SNX13: variants seen among roughly 807,000 people sequenced by gnomAD.
The protein encoded by SNX13 is sorting nexin 13, also known as sorting nexin-13.
Under a neutral mutation model 133.6 loss-of-function variants are expected in SNX13, and 45 were observed. The ratio of observed to expected loss-of-function variants is 0.34; its 90% CI spans 0.27 to 0.43. The LOEUF (loss-of-function observed/expected upper bound fraction) is 0.43, where lower values mean the gene tolerates loss of function less well. Ranked by LOEUF, SNX13 falls within the 20% of genes least tolerant of loss-of-function variation. SNX13 has a pLI of 1.00. For missense variants in SNX13, 1,032 were observed against 1,145.1 expected, an observed-to-expected ratio of 0.90 and a Z score of 1.43; for synonymous variants, 414 against 373.9, an observed-to-expected ratio of 1.11 and a Z score of -1.24.
At chr7:17,922,647 T>G (rs994806178) in intron 1 of SNX13, among the ~76,000 whole-genome samples, 15 of 152,206 alleles carry the variant, frequency 9.9e-5, no homozygotes, top group African/African-American at 3.6e-4. Flanking sequence ...TATGTTCAGC[T>G]TGACCCTGGT....
At chr7:17,795,987 T>C (rs1437610272) in intron 25 of SNX13, 2 of 151,490 alleles carry the variant, frequency 1.3e-5, no homozygotes, top group East Asian at 3.9e-4. Flanking sequence ...GAAAACAAAA[T>C]TAGAGAAAAA....
At chr7:17,797,736 A>G (rs1028991797) in intron 24 of SNX13, among the ~76,000 whole-genome samples, 1 of 151,786 alleles carries the variant, frequency 6.6e-6, no homozygotes, top group Non-Finnish European at 1.5e-5. Context: ...AAAGCTGATA[A>G]TCACCACTCC....
At chr7:17,887,529 C>T (rs1041296610) in intron 5 of SNX13, among the ~76,000 whole-genome samples, 3 of 152,118 alleles carry the variant, frequency 2.0e-5, no homozygotes, top group Non-Finnish European at 4.4e-5. Flanking sequence ...AGCACTCTCC[C>T]ACACATGATG....
At chr7:17,828,200 G>A (rs1482618416) in intron 16 of SNX13, among the ~76,000 whole-genome samples, 2 of 151,614 alleles carry the variant, frequency 1.3e-5, no homozygotes, top group African/African-American at 2.4e-5. Context: ...TATAGTGCAC[G>A]TAAATATCAA....
At chr7:17,868,040 A>G (rs1486237512) in intron 9 of SNX13, among the ~76,000 whole-genome samples, 3 of 152,130 alleles carry the variant, frequency 2.0e-5, no homozygotes, top group African/African-American at 7.2e-5. Context: ...TTTCCCCATT[A>G]TACAGTATAA....
intron 18 of SNX13, among the ~76,000 whole-genome samples, chr7:17,817,825 A>G (rs551347689): frequency 6.6e-6 from 1 of 152,266 alleles, no homozygotes; most frequent in East Asian, 1.9e-4. Flanking sequence ...TCCACATTAA[A>G]CTACTGACTC....
intron 1 of SNX13, among the ~76,000 whole-genome samples, chr7:17,917,317 C>G (rs937040235): frequency 6.6e-6 from 1 of 151,936 alleles, no homozygotes; most frequent in South Asian, 2.1e-4. Flanking sequence ...TAGAGCAATC[C>G]GGCAAGGAAA....
At position 17,845,450 on chromosome 7, in the gene SNX13, C is replaced by T. The variant is rs180984790; in HGVS notation, c.1165+145G>A. 6 of 530,028 alleles carry T rather than the reference C, an allele frequency of 1.1e-5. No homozygotes were observed. The African/African-American group carries it at 1.2e-4, about 11-fold the overall frequency. 32.8% of individuals were successfully genotyped at this position (530,028 alleles called of 1,614,324 possible). A position where few individuals can be genotyped will look rare whatever the true frequency, so the allele number is the denominator to read the frequency against. On this transcript the variant is annotated intron_variant, in intron 12 of 25. Transcript: ENST00000428135. ...GAAGATAAAAACAGTTCTGGAGACT[C>T]TGTACAACATCATGAATACATTTAA...
At chr7:17,876,602 T>A (rs983452451) in intron 5 of SNX13, among the ~76,000 whole-genome samples, 2 of 148,840 alleles carry the variant, frequency 1.3e-5, no homozygotes, top group African/African-American at 2.5e-5. Context: ...CCTTAACCAT[T>A]AGAAATAACT....
At chr7:17,932,474 T>C (rs79189427) in intron 1 of SNX13, among the ~76,000 whole-genome samples, 10,409 of 152,262 alleles carry the variant, frequency 0.068, 484 homozygotes, top group South Asian at 0.15. Context: ...GACAATTTCA[T>C]CTCCGTAATT....
chr7:17,808,479 T>C (rs910280581), intron 20 of SNX13, among the ~76,000 whole-genome samples: 1 of 152,184 alleles, frequency 6.6e-6, no homozygotes, highest in African/African-American at 2.4e-5. Context: ...CTAAGTTTGA[T>C]TGCTGTACCT....
At chr7:17,868,336 A>C (rs1793653920) in intron 9 of SNX13, 71 bp downstream of exon 9, 2 of 1,076,196 alleles carry the variant, frequency 1.9e-6, no homozygotes, top group South Asian at 2.9e-5. Flanking sequence ...TAAACACCCT[A>C]TCTCCCAACT....
intron 19 of SNX13, 119 bp downstream of exon 19, chr7:17,816,063 T>G: frequency 9.5e-7 from 1 of 1,057,896 alleles, no homozygotes; most frequent in Non-Finnish European, 1.3e-6. Context: ...TGCACAAAAG[T>G]GGTTGCTACC....
chr7:17,861,489 G>C (rs1792688535), intron 9 of SNX13, among the ~76,000 whole-genome samples: 1 of 152,048 alleles, frequency 6.6e-6, no homozygotes, highest in Non-Finnish European at 1.5e-5. Flanking sequence ...GCACCAGAAA[G>C]TGGCAATTTC....
At chr7:17,813,503 C>T (rs1169227870) in intron 20 of SNX13, among the ~76,000 whole-genome samples, 3 of 151,956 alleles carry the variant, frequency 2.0e-5, no homozygotes, top group African/African-American at 4.8e-5. Context: ...GTGGTTTTTG[C>T]CATTTGTTTT....
At chr7:17,883,734 C>A (rs1443027365) in intron 5 of SNX13, among the ~76,000 whole-genome samples, 1 of 151,970 alleles carries the variant, frequency 6.6e-6, no homozygotes, top group East Asian at 1.9e-4. Context: ...CCAAGAGGCC[C>A]CGGTGTGTGA....
intron 8 of SNX13, among the ~76,000 whole-genome samples, chr7:17,870,996 GTTTTCTTTTTTTT>G (rs1483147584): frequency 7.3e-5 from 11 of 151,456 alleles, no homozygotes; most frequent in African/African-American, 2.7e-4. Context: ...GAGGAATCGG[GTTTTCTTTTTTTT>G]TTTTCTTTTT....
chr7:17,921,761 C>T (rs1267086234), intron 1 of SNX13, among the ~76,000 whole-genome samples: 2 of 152,218 alleles, frequency 1.3e-5, no homozygotes, highest in African/African-American at 4.8e-5. Flanking sequence ...TTCCAATGTT[C>T]AGGAAAGCTG....
intron 12 of SNX13, among the ~76,000 whole-genome samples, chr7:17,842,851 G>C (rs1211398511): frequency 6.6e-6 from 1 of 151,944 alleles, no homozygotes; most frequent in Non-Finnish European, 1.5e-5. Context: ...TTGAAATTAA[G>C]CTGGCATAAT....
Sources: allele counts gnomAD v4.1 joint callset (sites outside exome capture counted in the v4.1 genomes callset), GRCh38; gene constraint gnomAD v4.1.1; transcripts MANE v1.5; gene names NCBI Gene and HGNC (gene_info 2026-07-23, HGNC 2026-07-21).